PKNOX2: variants seen among roughly 807,000 people sequenced by gnomAD.
PKNOX2 encodes PBX/knotted 1 homeobox 2.
In PKNOX2, 14 loss-of-function variants were observed where a neutral mutation model predicts 53.1. That is an observed-to-expected ratio of 0.26 (90% CI 0.17 to 0.41). PKNOX2 has a LOEUF of 0.41. Among genes scored for constraint, PKNOX2 ranks in the 10% least tolerant of loss-of-function variants. The pLI is 1.00. For missense variants in PKNOX2, 496 were observed against 602.8 expected (o/e 0.82, Z 1.85); for synonymous variants, 257 against 242.8 (o/e 1.06, Z -0.54).
intron 2 of PKNOX2, among the ~76,000 whole-genome samples, chr11:125,280,723 G>T (rs1252267492): frequency 6.6e-6 from 1 of 152,090 alleles, no homozygotes; most frequent in Non-Finnish European, 1.5e-5. Flanking sequence ...CCGGTGTGGA[G>T]TTCCCCCAAG....
Position 125,431,451 on chromosome 11 carries a change from T to C in PKNOX2, c.*59T>C. ...GGAGAGGAGTGTCGCCGGGAGGCCT[T>C]CAGGGTGGGGGGGAAGGGGACATGG... On this transcript the variant is annotated 3_prime_UTR_variant, in exon 13 of 13. Coordinates refer to ENST00000298282, the MANE Select transcript of PKNOX2 (RefSeq NM_001382323.2). 2.0e-5 allele frequency: 3 copies of C among 149,898 alleles called. No homozygotes were observed. Among genetic ancestry groups the C allele is most frequent in the Non-Finnish European group, 3.9e-5 (3 of 76,168 alleles). 9.3% of individuals were successfully genotyped at this position (149,898 alleles called of 1,614,324 possible). A position where few individuals can be genotyped will look rare whatever the true frequency, so the allele number is the denominator to read the frequency against.
At chr11:125,383,267 G>A (rs1953376995) in intron 5 of PKNOX2, among the ~76,000 whole-genome samples, 1 of 152,062 alleles carries the variant, frequency 6.6e-6, no homozygotes. Context: ...TTCTCTGTGT[G>A]CTCCGTCACG....
At chr11:125,369,190 A>G (rs1408651276) in intron 5 of PKNOX2, among the ~76,000 whole-genome samples, 1 of 152,230 alleles carries the variant, frequency 6.6e-6, no homozygotes, top group Non-Finnish European at 1.5e-5. Context: ...TTGAGGGTCC[A>G]GAGCAGTGGC....
At chr11:125,187,305 A>T (rs905718344) in intron 1 of PKNOX2, among the ~76,000 whole-genome samples, 1 of 152,002 alleles carries the variant, frequency 6.6e-6, no homozygotes, top group African/African-American at 2.4e-5. Context: ...TGTTAGATGT[A>T]TTGACATCTA....
intron 2 of PKNOX2, among the ~76,000 whole-genome samples, chr11:125,238,096 C>A (rs1341073267): frequency 1.3e-5 from 2 of 152,140 alleles, no homozygotes; most frequent in Non-Finnish European, 2.9e-5. Flanking sequence ...TGCCATTTTT[C>A]TGACCCGGAT....
At chr11:125,405,138 C>CCA (rs10639810) in intron 7 of PKNOX2, among the ~76,000 whole-genome samples, 4,152 of 152,312 alleles carry the variant, frequency 0.027, 181 homozygotes, top group African/African-American at 0.093. Context: ...ACCCACCCTC[C>CCA]CACACAATCC....
chr11:125,369,163 G>A (rs544904253), intron 5 of PKNOX2, among the ~76,000 whole-genome samples: 4 of 152,344 alleles, frequency 2.6e-5, no homozygotes, highest in Non-Finnish European at 4.4e-5. Context: ...TAAGCCGAAT[G>A]CCTCTAATAC....
At chr11:125,264,589 C>T (rs1389528306) in intron 2 of PKNOX2, among the ~76,000 whole-genome samples, 3 of 151,726 alleles carry the variant, frequency 2.0e-5, no homozygotes, top group South Asian at 4.2e-4. Flanking sequence ...GTGGCGGGGC[C>T]GGGGGGCTGC....
intron 9 of PKNOX2, 167 bp downstream of exon 9, chr11:125,411,043 T>C: frequency 1.6e-6 from 1 of 611,624 alleles, no homozygotes; most frequent in Non-Finnish European, 2.9e-6. Context: ...CTTGGAAAGG[T>C]TTTATCAACT....
chr11:125,231,186 C>T (rs924459992), intron 1 of PKNOX2, among the ~76,000 whole-genome samples: 2 of 152,230 alleles, frequency 1.3e-5, no homozygotes, highest in African/African-American at 4.8e-5. Context: ...GTCTGGTGCT[C>T]TCTGTGTCAG....
chr11:125,271,631 T>C (rs1205476538), intron 2 of PKNOX2, among the ~76,000 whole-genome samples: 1 of 152,220 alleles, frequency 6.6e-6, no homozygotes, highest in Non-Finnish European at 1.5e-5. Flanking sequence ...GACACTGATT[T>C]CAGTTCTGTC....
chr11:125,405,040 G>A (rs1465188783), intron 7 of PKNOX2, among the ~76,000 whole-genome samples: 2 of 152,240 alleles, frequency 1.3e-5, no homozygotes, highest in Non-Finnish European at 2.9e-5. Context: ...CGGTGGATCA[G>A]CAGAGACCTC....
At chr11:125,312,904 C>A (rs1948906597) in intron 2 of PKNOX2, among the ~76,000 whole-genome samples, 1 of 152,146 alleles carries the variant, frequency 6.6e-6, no homozygotes, top group Non-Finnish European at 1.5e-5. Flanking sequence ...TAGGAAAGGG[C>A]ATTTTGAACA....
At chr11:125,283,936 C>T (rs1256646981) in intron 2 of PKNOX2, among the ~76,000 whole-genome samples, 2 of 152,130 alleles carry the variant, frequency 1.3e-5, no homozygotes, top group African/African-American at 2.4e-5. Flanking sequence ...GGGCCTACTT[C>T]GCTTGGGAAA....
At chr11:125,259,527 C>A (rs1178926962) in intron 2 of PKNOX2, among the ~76,000 whole-genome samples, 4 of 152,188 alleles carry the variant, frequency 2.6e-5, no homozygotes, top group Non-Finnish European at 5.9e-5. Context: ...GGCCCCCCTG[C>A]ATATCAGCAG....
At chr11:125,228,926 G>A (rs1003285567) in intron 1 of PKNOX2, among the ~76,000 whole-genome samples, 3 of 152,098 alleles carry the variant, frequency 2.0e-5, no homozygotes, top group Admixed American at 6.6e-5. Flanking sequence ...GGGTGCAACC[G>A]CTACAGATTT....
chr11:125,220,767 C>T (rs1019216150), intron 1 of PKNOX2, among the ~76,000 whole-genome samples: 1 of 152,158 alleles, frequency 6.6e-6, no homozygotes, highest in Admixed American at 6.6e-5. Context: ...GATGTTCCTC[C>T]GAAGTTTCAA....
At chr11:125,303,720 G>T (rs1038121847) in intron 2 of PKNOX2, among the ~76,000 whole-genome samples, 6 of 152,170 alleles carry the variant, frequency 3.9e-5, no homozygotes, top group African/African-American at 1.4e-4. Flanking sequence ...TGTAGAACTG[G>T]AGAAGGAACT....
At chr11:125,267,750 C>T (rs187544190) in intron 2 of PKNOX2, among the ~76,000 whole-genome samples, 60 of 147,042 alleles carry the variant, frequency 4.1e-4, no homozygotes, top group Admixed American at 5.9e-4. Flanking sequence ...CATGTGTGCG[C>T]GTGTGTGTGT....
Sources: allele counts gnomAD v4.1 joint callset (sites outside exome capture counted in the v4.1 genomes callset), GRCh38; gene constraint gnomAD v4.1.1; transcripts MANE v1.5; gene names NCBI Gene and HGNC (gene_info 2026-07-23, HGNC 2026-07-21).